Variants in SPANXN1 observed in about 807,000 individuals in gnomAD.
The protein encoded by SPANXN1 is sperm protein associated with the nucleus on the X chromosome N1.
In SPANXN1, 1 loss-of-function variant was observed where a neutral mutation model predicts 2.0. That is an observed-to-expected ratio of 0.50 (90% CI 0.18 to 2.36). The LOEUF (loss-of-function observed/expected upper bound fraction) is 2.36, where lower values mean the gene tolerates loss of function less well. Ranked by LOEUF, SPANXN1 falls within the 30% of genes most tolerant of loss-of-function variation. The pLI is 0.26. For synonymous variants in SPANXN1, 27 were observed against 21.3 expected (o/e 1.27, Z -0.74); for missense variants, 55 against 51.8 (o/e 1.06, Z -0.19).
intron 1 of SPANXN1, among the ~76,000 whole-genome samples, chrX:145,254,079 G>A (rs1381956448): frequency 9.2e-6 from 1 of 108,707 alleles, no homozygotes; most frequent in African/African-American, 3.4e-5. Context: ...ACAGTAAGGG[G>A]GTGGAGGAGC....
chrX:145,251,074 G>C (rs2070783840), intron 1 of SPANXN1, among the ~76,000 whole-genome samples: 1 of 111,915 alleles, frequency 8.9e-6, no homozygotes, highest in African/African-American at 3.3e-5. Context: ...GATTCTAGGA[G>C]TTTATTTTCA....
chrX:145,252,734 T>C (rs2070791221), intron 1 of SPANXN1, among the ~76,000 whole-genome samples: 1 of 109,276 alleles, frequency 9.2e-6, no homozygotes, highest in Admixed American at 9.8e-5. Context: ...AGGGGTAGAA[T>C]TGTAGGAGCC....
At chrX:145,254,745 G>A (rs1450399182) in intron 1 of SPANXN1, among the ~76,000 whole-genome samples, 2 of 111,678 alleles carry the variant, frequency 1.8e-5, no homozygotes, top group Non-Finnish European at 3.8e-5. Flanking sequence ...ACTAATTGAC[G>A]CCCAGTGTTG....
intron 1 of SPANXN1, among the ~76,000 whole-genome samples, chrX:145,254,076 G>T (rs782503273): frequency 4.6e-5 from 5 of 108,846 alleles, no homozygotes; most frequent in African/African-American, 1.7e-4. Flanking sequence ...GTGACAGTAA[G>T]GGGGTGGAGG....
Position 145,255,683 on chromosome X carries a change from C to A in SPANXN1, c.88C>A (p.Pro30Thr), listed in dbSNP as rs2070807108. 7 of 1,211,846 alleles carry A rather than the reference C, an allele frequency of 5.8e-6. No homozygotes were observed. The highest frequency in any genetic ancestry group is 7.8e-6 in the Non-Finnish European group (7 of 895,528). Residue 30 changes from proline (P) to threonine (T), a missense_variant, in exon 2 of 2, where the codon CCA becomes ACA. Transcript: ENST00000370493. The stretch of plus-strand genomic sequence containing the variant: ...GTTTTCTTAACAGATGCAGGAGACA[C>A]CAAACAGGGACTTAGCCCCCGAACC... ...NNENDEMQETPNRDLAPEPSL... is the reference protein window; with the variant it reads ...NNENDEMQETTNRDLAPEPSL...
chrX:145,252,169 C>A (rs1470998766), intron 1 of SPANXN1, among the ~76,000 whole-genome samples: 1 of 111,578 alleles, frequency 9.0e-6, no homozygotes, highest in Non-Finnish European at 1.9e-5. Flanking sequence ...TATCCTGGAA[C>A]CCCTGTGGGA....
rs1465443201 is a variant in SPANXN1 at position 145,256,208 on chromosome X, T to C, written c.*394T>C. The C allele has an allele frequency of 2.6e-5, 8 of 307,127 alleles. No individual in the cohort carries two copies. Among genetic ancestry groups the C allele is most frequent in the African/African-American group, 2.1e-4 (8 of 37,623 alleles). 25.3% of individuals were successfully genotyped at this position (307,127 alleles called of 1,213,427 possible). A position where few individuals can be genotyped will look rare whatever the true frequency, so the allele number is the denominator to read the frequency against. On this transcript the variant is annotated 3_prime_UTR_variant, in exon 2 of 2. Transcript: ENST00000370493. Reference sequence around the variant, plus strand: ...GAGCCAGATAAATAAATATTCTGATTTCATTTTCCTCCTTCTCCAGTGATC... The same window carrying C: ...GAGCCAGATAAATAAATATTCTGATCTCATTTTCCTCCTTCTCCAGTGATC...
At position 145,256,034 on chromosome X, in the gene SPANXN1, G is replaced by C. The variant is rs1211988618; in HGVS notation, c.*220G>C. ...ATCTTCAAAGCAGGATGAAGACCTA[G>C]ACTTACCTGAAGGATCTTCACAGGA... On this transcript the variant is annotated 3_prime_UTR_variant, in exon 2 of 2. Transcript: ENST00000370493. 3.1e-6 allele frequency: 2 copies of C among 638,041 alleles called. No individual in the cohort carries two copies. The highest frequency in any genetic ancestry group is 2.2e-5 in the African/African-American group (1 of 45,326). 52.6% of individuals were successfully genotyped at this position (638,041 alleles called of 1,213,427 possible).
intron 1 of SPANXN1, among the ~76,000 whole-genome samples, chrX:145,251,603 A>G (rs2070786037): frequency 8.9e-6 from 1 of 112,211 alleles, no homozygotes; most frequent in African/African-American, 3.2e-5. Context: ...CGGAATGTAC[A>G]TACAAAGTAA....
chrX:145,254,184 T>G (rs1556882812), intron 1 of SPANXN1, among the ~76,000 whole-genome samples: 2 of 94,710 alleles, frequency 2.1e-5, no homozygotes, highest in Non-Finnish European at 4.2e-5. Context: ...GGAAGGCTTG[T>G]CCGGAGGAGG....
Position 145,255,825 on chromosome X carries a change from T to A in SPANXN1, c.*11T>A. On this transcript the variant is annotated 3_prime_UTR_variant, in exon 2 of 2. Coordinates refer to ENST00000370493, the MANE Select transcript of SPANXN1 (RefSeq NM_001009614.3). Reference sequence around the variant, plus strand: ...AATGACCAGTCCTGAGAGAACTCCATCAATCCAGTCCAAGAGGAGGAGGAC... The same window carrying A: ...AATGACCAGTCCTGAGAGAACTCCAACAATCCAGTCCAAGAGGAGGAGGAC... The A allele has an allele frequency of 8.3e-7, 1 of 1,211,854 alleles. No homozygotes were observed. The highest frequency in any genetic ancestry group is 1.1e-6 in the Non-Finnish European group (1 of 895,517).
In SPANXN1 at chrX:145,249,778, C is replaced by G. The variant is rs781871858; in HGVS notation, c.75+2117C>G. ...GGAGTCTGTGATTCAGACCCAGTCC[C>G]CTGGTTGTAGGGACAGGGAGGAGTG... is the stretch of plus-strand genomic sequence containing the variant. On this transcript the variant is annotated intron_variant, in intron 1 of 1. Coordinates refer to ENST00000370493, the MANE Select transcript of SPANXN1 (RefSeq NM_001009614.3). 4.8e-3 allele frequency among the ~76,000 whole-genome samples: 536 copies of G among 110,862 alleles called. 2 individuals carry two copies. Among genetic ancestry groups the G allele is most frequent in the African/African-American group, 0.016 (473 of 30,367 alleles).
chrX:145,247,942 G>A (rs1335951999), intron 1 of SPANXN1, among the ~76,000 whole-genome samples: 1 of 112,420 alleles, frequency 8.9e-6, no homozygotes, highest in Non-Finnish European at 1.9e-5. Context: ...GTGTTTCTTG[G>A]AACTTTGCCC....
intron 1 of SPANXN1, among the ~76,000 whole-genome samples, chrX:145,254,125 G>A (rs73639617): frequency 0.022 from 2,346 of 107,157 alleles, 77 homozygotes; most frequent in African/African-American, 0.076. Flanking sequence ...AATGGGAGTG[G>A]GCAGGAGGCA....
At chrX:145,254,579 C>G (rs1421394849) in intron 1 of SPANXN1, among the ~76,000 whole-genome samples, 1 of 112,355 alleles carries the variant, frequency 8.9e-6, no homozygotes, top group Non-Finnish European at 1.9e-5. Context: ...GAGGCCGGAG[C>G]GGCCAGAGTG....
Position 145,255,950 on chromosome X carries a change from G to C in SPANXN1, c.*136G>C. 1 of 1,102,351 alleles carries C rather than the reference G, an allele frequency of 9.1e-7. No homozygotes were observed. The highest frequency in any genetic ancestry group is 1.3e-6 in the Non-Finnish European group (1 of 799,079). The allele number at this position is 1,102,351 out of a possible 1,213,427, so 90.8% of individuals were successfully genotyped here. On this transcript the variant is annotated 3_prime_UTR_variant, in exon 2 of 2. Coordinates refer to ENST00000370493, the MANE Select transcript of SPANXN1 (RefSeq NM_001009614.3). Reference sequence around the variant, plus strand: ...TGAAGGATCTTCAAAGCAGGATGAAGACCTAGACTTACCTGAAGGATCTTC... The same window carrying C: ...TGAAGGATCTTCAAAGCAGGATGAACACCTAGACTTACCTGAAGGATCTTC...
Position 145,255,675 on chromosome X carries a change from A to C in SPANXN1, c.80A>C (p.Gln27Pro), listed in dbSNP as rs367588288. The change falls in exon 2 of 2, where the codon CAG becomes CCG. Residue 27 changes from glutamine to proline, a missense_variant. Gln to Pro is a moderately conservative substitution (Grantham distance 76). Coordinates refer to ENST00000370493, the MANE Select transcript of SPANXN1 (RefSeq NM_001009614.3). ...CESNNENDEM[Q>P]ETPNRDLAPE... is the part of the protein sequence containing the mutation. ...CTCTCCCTGTTTTCTTAACAGATGCAGGAGACACCAAACAGGGACTTAGCC... is the reference window on the plus strand; with the variant it reads ...CTCTCCCTGTTTTCTTAACAGATGCCGGAGACACCAAACAGGGACTTAGCC... The C allele has an allele frequency of 1.7e-5, 20 of 1,210,373 alleles. No individual in the cohort carries two copies. The highest frequency in any genetic ancestry group is 1.2e-4 in the African/African-American group (7 of 57,232).
intron 1 of SPANXN1, among the ~76,000 whole-genome samples, chrX:145,250,489 C>A (rs1556882374): frequency 9.0e-6 from 1 of 111,063 alleles, no homozygotes; most frequent in African/African-American, 3.3e-5. Context: ...GATGGGCAGC[C>A]ATGGAGGAAG....
chrX:145,250,847 C>T (rs1346202411), intron 1 of SPANXN1, among the ~76,000 whole-genome samples: 1 of 111,917 alleles, frequency 8.9e-6, no homozygotes, highest in African/African-American at 3.3e-5. Flanking sequence ...TATCTACCCC[C>T]AGCAGCTTAT....
Sources: gnomAD v4.1 joint callset for allele counts (sites outside exome capture counted in the v4.1 genomes callset) on GRCh38, gnomAD v4.1.1 for gene constraint, MANE v1.5 for transcripts, NCBI Gene and HGNC (gene_info 2026-07-23, HGNC 2026-07-21) for gene names.